ELP4: variants seen among roughly 807,000 people sequenced by gnomAD.
ELP4 encodes the protein elongator complex protein 4.
ELP4 carries 51 observed loss-of-function variants against 48.9 expected under a neutral mutation model. The observed-to-expected ratio is 1.04, with a 90% confidence interval of 0.83 to 1.32. The LOEUF is 1.32. Among genes scored for constraint, ELP4 ranks in the 40% most tolerant of loss-of-function variants. The probability of loss-of-function intolerance (pLI) is 0.00; values close to 1 mark genes in which losing one functional copy is unlikely to be tolerated. For missense variants in ELP4, 519 were observed against 514.6 expected, an observed-to-expected ratio of 1.01 and a Z score of -0.08; for synonymous variants, 210 against 189.2, an observed-to-expected ratio of 1.11 and a Z score of -0.90.
intron 7 of ELP4, chr11:31,646,483 C>T (rs776168482): frequency 5.3e-5 from 8 of 151,622 alleles, no homozygotes; most frequent in Non-Finnish European, 1.0e-4. Flanking sequence ...ATTGACCAGC[C>T]CTCTTTAATT....
chr11:31,669,384 G>A (rs767234259), intron 9 of ELP4, among the ~76,000 whole-genome samples: 5 of 151,910 alleles, frequency 3.3e-5, no homozygotes, highest in South Asian at 2.1e-4. Flanking sequence ...CCTGGCCCAC[G>A]TCTTTTATAA....
At chr11:31,675,762 A>AT (rs909312385) in intron 9 of ELP4, among the ~76,000 whole-genome samples, 18 of 152,150 alleles carry the variant, frequency 1.2e-4, no homozygotes, top group African/African-American at 4.1e-4. Flanking sequence ...TTATAGGAAG[A>AT]TTTTTTTCCC....
At chr11:31,574,835 C>A (rs564110764) in intron 3 of ELP4, among the ~76,000 whole-genome samples, 2 of 152,312 alleles carry the variant, frequency 1.3e-5, no homozygotes, top group South Asian at 4.1e-4. Context: ...TCTGGAGAAA[C>A]CAGAGCAGAA....
intron 3 of ELP4, among the ~76,000 whole-genome samples, chr11:31,592,292 C>G (rs1330519557): frequency 6.6e-6 from 1 of 151,952 alleles, no homozygotes; most frequent in East Asian, 1.9e-4. Context: ...CGCCTGTAAT[C>G]CAGCACTTTG....
At chr11:31,774,161 C>T (rs1040528291) in intron 9 of ELP4, among the ~76,000 whole-genome samples, 5 of 152,166 alleles carry the variant, frequency 3.3e-5, no homozygotes, top group Admixed American at 6.5e-5. Context: ...GGCAACAAAG[C>T]GAGACTGTCT....
chr11:31,594,864 A>G lies in ELP4; in HGVS notation c.476A>G (p.Lys159Arg). ...HKTPESNIKM[K>R]IAWRYQLLPK... ...ACACCAGAATCTAATATTAAGATGA[A>G]AATAGCTTGGCGTTACCAGTTATTA... is the stretch of plus-strand genomic sequence containing the variant. Residue 159 changes from lysine (K) to arginine (R), a missense_variant, in exon 4 of 10, where the codon AAA becomes AGA. Coordinates refer to ENST00000640961, the MANE Select transcript of ELP4 (RefSeq NM_019040.5). 1 of 1,565,632 alleles carries G rather than the reference A, an allele frequency of 6.4e-7. No individual in the cohort carries two copies. The highest frequency in any genetic ancestry group is 1.3e-5 in the South Asian group (1 of 79,552).
rs529577216 is a variant in ELP4 at position 31,569,410 on chromosome 11, C to G, written c.382-25360C>G. ...CTTAAATCAACAAGTAGAAAACAAC[C>G]CCACTGAAAAGAGAGCAAAGGACAT... On this transcript the variant is annotated intron_variant, in intron 3 of 9. Coordinates refer to ENST00000640961, the MANE Select transcript of ELP4 (RefSeq NM_019040.5). Among the ~76,000 whole-genome samples the G allele has an allele frequency of 8.3e-4, 127 of 152,192 alleles. 1 individual carries two copies. The highest frequency in any genetic ancestry group is 1.3e-3 in the Admixed American group (20 of 15,290).
At chr11:31,736,981 G>A (rs1392040453) in intron 9 of ELP4, among the ~76,000 whole-genome samples, 2 of 152,158 alleles carry the variant, frequency 1.3e-5, no homozygotes, top group Admixed American at 6.5e-5. Flanking sequence ...ATACCTAAAG[G>A]ATTACAAAGC....
At chr11:31,542,719 G>C (rs548946423) in intron 3 of ELP4, among the ~76,000 whole-genome samples, 1 of 152,254 alleles carries the variant, frequency 6.6e-6, no homozygotes, top group African/African-American at 2.4e-5. Context: ...TAATATTCAA[G>C]TGTCCAGCAC....
At chr11:31,618,558 T>G (rs1226905561) in intron 5 of ELP4, among the ~76,000 whole-genome samples, 1 of 152,072 alleles carries the variant, frequency 6.6e-6, no homozygotes, top group African/African-American at 2.4e-5. Context: ...GTCCCACCAC[T>G]TAATACGGTA....
intron 5 of ELP4, among the ~76,000 whole-genome samples, chr11:31,623,390 T>TATATATATAA (rs67986763): frequency 0.15 from 13,686 of 91,838 alleles, 1,601 homozygotes; most frequent in Admixed American, 0.18. Flanking sequence ...TATATATATA[T>TATATATATAA]AAAACTAGAA....
intron 3 of ELP4, among the ~76,000 whole-genome samples, chr11:31,581,418 T>A (rs1254590841): frequency 6.6e-6 from 1 of 151,710 alleles, no homozygotes; most frequent in African/African-American, 2.4e-5. Context: ...TCTGATAATG[T>A]CTTAATTCCA....
At chr11:31,514,721 A>T (rs1956075377) in intron 1 of ELP4, among the ~76,000 whole-genome samples, 1 of 152,184 alleles carries the variant, frequency 6.6e-6, no homozygotes, top group Non-Finnish European at 1.5e-5. Flanking sequence ...TTACTAATGG[A>T]TTACTAAATT....
At chr11:31,642,720 A>T (rs1945125185) in intron 7 of ELP4, among the ~76,000 whole-genome samples, 1 of 151,870 alleles carries the variant, frequency 6.6e-6, no homozygotes, top group South Asian at 2.1e-4. Flanking sequence ...TCATCAGTTT[A>T]TTACAAATAT....
chr11:31,790,023 G>C lies in ELP4; in HGVS notation c.*6499G>C, dbSNP rs11031477. On this transcript the variant is annotated 3_prime_UTR_variant, in exon 10 of 10. Coordinates refer to ENST00000640961, the MANE Select transcript of ELP4 (RefSeq NM_019040.5). ...GACACACCAGGGGAAATGAGTCCTA[G>C]AAGTGGATGAAAGAAATAGCCATGT... The C allele has an allele frequency of 1.4e-6, 2 of 1,478,344 alleles. No individual in the cohort carries two copies. The highest frequency in any genetic ancestry group is 9.0e-7 in the Non-Finnish European group (1 of 1,106,862). 91.6% of individuals were successfully genotyped at this position (1,478,344 alleles called of 1,614,324 possible).
At chr11:31,721,288 G>A (rs1461652012) in intron 9 of ELP4, among the ~76,000 whole-genome samples, 1 of 152,108 alleles carries the variant, frequency 6.6e-6, no homozygotes, top group African/African-American at 2.4e-5. Flanking sequence ...CTAGTCTGAT[G>A]CCAAGATGCC....
chr11:31,594,773 C>T lies in ELP4; in HGVS notation c.385C>T (p.Leu129Phe), dbSNP rs768653696. 6.7e-7 allele frequency: 1 copy of T among 1,499,748 alleles called. No homozygotes were observed. Among genetic ancestry groups the T allele is most frequent in the Admixed American group, 2.6e-5 (1 of 38,062 alleles). The allele number at this position is 1,499,748 out of a possible 1,614,324, so 92.9% of individuals were successfully genotyped here. A position where few individuals can be genotyped will look rare whatever the true frequency, so the allele number is the denominator to read the frequency against. Residue 129 changes from leucine to phenylalanine, a missense_variant, in exon 4 of 10, where the codon CTT becomes TTT. Physicochemically the swap from Leu to Phe is conservative, Grantham distance 22. Transcript: ENST00000640961. ...KEDPANILQELPAPLLDDKCK... is the reference protein window; with the variant it reads ...KEDPANILQEFPAPLLDDKCK... ...ATGTGTCATTTTGTTTTCTTAGGAA[C>T]TTCCAGCACCATTACTTGATGATAA...
At chr11:31,742,954 G>C (rs1218487126) in intron 9 of ELP4, among the ~76,000 whole-genome samples, 1 of 152,080 alleles carries the variant, frequency 6.6e-6, no homozygotes, top group Admixed American at 6.5e-5. Context: ...ACACAGACTG[G>C]CAAAATGGAT....
At position 31,619,933 on chromosome 11, in the gene ELP4, G is replaced by C. The variant is rs139926483; in HGVS notation, c.654-7177G>C. ...TATTAGAGCTCAACATACAAGTGTT[G>C]TGGGGACATGAGCATTCAAACCATA... On this transcript the variant is annotated intron_variant, in intron 5 of 9. Coordinates refer to ENST00000640961, the MANE Select transcript of ELP4 (RefSeq NM_019040.5). 5.4e-3 allele frequency among the ~76,000 whole-genome samples: 827 copies of C among 152,042 alleles called. 4 individuals are homozygous for C. Among genetic ancestry groups the C allele is most frequent in the South Asian group, 0.011 (51 of 4,822 alleles).
Sources: allele counts gnomAD v4.1 joint callset (sites outside exome capture counted in the v4.1 genomes callset), GRCh38; gene constraint gnomAD v4.1.1; transcripts MANE v1.5; gene names NCBI Gene and HGNC (gene_info 2026-07-23, HGNC 2026-07-21).